TMPRSS11A: variants seen among roughly 807,000 people sequenced by gnomAD.
TMPRSS11A encodes the protein transmembrane serine protease 11A, also known as transmembrane protease serine 11A.
TMPRSS11A carries 53 observed loss-of-function variants against 58.9 expected under a neutral mutation model. That is an observed-to-expected ratio of 0.90 (90% CI 0.72 to 1.13). The LOEUF is 1.13. Ranked by LOEUF, TMPRSS11A falls within the 50% of genes most tolerant of loss-of-function variation. TMPRSS11A has a pLI of 0.00. For missense variants in TMPRSS11A, 493 were observed against 499.3 expected (o/e 0.99, Z 0.12); for synonymous variants, 167 against 169.8 (o/e 0.98, Z 0.13).
intron 1 of TMPRSS11A, among the ~76,000 whole-genome samples, chr4:67,948,147 C>CTTTTTTTTTTTT (rs10577639): frequency 6.1e-5 from 6 of 98,302 alleles, no homozygotes; most frequent in African/African-American, 2.4e-4. Context: ...CAGTTTTTTT[C>CTTTTTTTTTTTT]TTTTTTTTTT....
intron 8 of TMPRSS11A, among the ~76,000 whole-genome samples, chr4:67,917,568 T>G (rs1251293302): frequency 6.6e-6 from 1 of 152,152 alleles, no homozygotes; most frequent in Non-Finnish European, 1.5e-5. Flanking sequence ...TTAATGTACT[T>G]AACAGATTAA....
chr4:67,928,023 G>C (rs28722166), intron 5 of TMPRSS11A, among the ~76,000 whole-genome samples: 6,930 of 152,206 alleles, frequency 0.046, 164 homozygotes, highest in Middle Eastern at 0.075. Context: ...AGTGGAGTTA[G>C]AATTGGTCAG....
intron 3 of TMPRSS11A, among the ~76,000 whole-genome samples, chr4:67,943,733 T>A (rs1203897454): frequency 6.6e-6 from 1 of 152,142 alleles, no homozygotes; most frequent in African/African-American, 2.4e-5. Context: ...ATTGTAAATA[T>A]GATGCCATTA....
At chr4:67,963,285 C>T (rs2109777756) in intron 1 of TMPRSS11A, 98 bp downstream of exon 1, 1 of 1,255,314 alleles carries the variant, frequency 8.0e-7, no homozygotes, top group Admixed American at 2.0e-5. Context: ...TTGAATCCAC[C>T]AAAGACACCT....
intron 7 of TMPRSS11A, among the ~76,000 whole-genome samples, chr4:67,919,442 C>G (rs184920148): frequency 1.1e-3 from 163 of 152,218 alleles, no homozygotes; most frequent in Non-Finnish European, 2.1e-3. Flanking sequence ...ATATTTAATA[C>G]AAAACTATTG....
intron 4 of TMPRSS11A, among the ~76,000 whole-genome samples, chr4:67,931,683 C>T (rs1406405858): frequency 6.6e-6 from 1 of 152,112 alleles, no homozygotes; most frequent in Non-Finnish European, 1.5e-5. Context: ...TGGGTTTTCC[C>T]CACGTCATGG....
At position 67,946,552 on chromosome 4, in the gene TMPRSS11A, G is replaced by C; in HGVS notation, c.31C>G (p.Arg11Gly). ...ATCCATGGCTTCAGATTTCTGCTTC[G>C]GGTGCCAAATCCCACTGTCCTGAGA... The part of the protein sequence containing the change: MMYRTVGFGT[R>G]SRNLKPWMIA... The change falls in exon 2 of 10, where the codon CGA (arginine) becomes GGA (glycine). Residue 11 changes from arginine to glycine, a missense_variant. Arg to Gly is a moderately radical substitution (Grantham distance 125). Coordinates refer to ENST00000508048, the MANE Select transcript of TMPRSS11A (RefSeq NM_001114387.2). 6.2e-7 allele frequency: 1 copy of C among 1,610,980 alleles called. No individual in the cohort carries two copies. Among genetic ancestry groups the C allele is most frequent in the African/African-American group, 1.3e-5 (1 of 74,830 alleles).
At chr4:67,954,921 A>C (rs1721248334) in intron 1 of TMPRSS11A, among the ~76,000 whole-genome samples, 1 of 152,240 alleles carries the variant, frequency 6.6e-6, no homozygotes, top group Admixed American at 6.5e-5. Context: ...TATTAAATGT[A>C]ACCTACATAG....
intron 1 of TMPRSS11A, 23 bp downstream of exon 1, chr4:67,963,360 C>A (rs1264754127): frequency 6.2e-7 from 1 of 1,613,358 alleles, no homozygotes; most frequent in Non-Finnish European, 8.5e-7. Flanking sequence ...AACAAGCCAT[C>A]TATAAAACAG....
At chr4:67,927,095 G>A (rs76122286) in intron 5 of TMPRSS11A, among the ~76,000 whole-genome samples, 1,547 of 152,166 alleles carry the variant, frequency 0.01, 29 homozygotes, top group African/African-American at 0.035. Context: ...ACCTTTCTTC[G>A]TCTTGCTCAC....
At chr4:67,963,332 C>T in intron 1 of TMPRSS11A, 51 bp downstream of exon 1, 1 of 1,606,730 alleles carries the variant, frequency 6.2e-7, no homozygotes, top group Non-Finnish European at 8.5e-7. Flanking sequence ...AATCCGGCCA[C>T]TGACAGACAG....
chr4:67,960,314 A>G (rs1205049693), intron 1 of TMPRSS11A, among the ~76,000 whole-genome samples: 2 of 152,206 alleles, frequency 1.3e-5, no homozygotes, highest in Admixed American at 6.5e-5. Context: ...AAATTAAAAA[A>G]CAGTTATTCT....
At chr4:67,944,366 C>A in intron 3 of TMPRSS11A, 153 bp downstream of exon 3, 1 of 782,882 alleles carries the variant, frequency 1.3e-6, no homozygotes, top group East Asian at 2.6e-5. Flanking sequence ...TCATCATACT[C>A]TGATTAAGCA....
chr4:67,922,706 T>C, intron 7 of TMPRSS11A, 49 bp downstream of exon 7: 1 of 1,556,442 alleles, frequency 6.4e-7, no homozygotes, highest in Non-Finnish European at 8.8e-7. Context: ...ATGACAAAAC[T>C]CAGGGCTTTT....
intron 3 of TMPRSS11A, among the ~76,000 whole-genome samples, chr4:67,936,495 G>T (rs1004725119): frequency 6.6e-6 from 1 of 152,128 alleles, no homozygotes; most frequent in Non-Finnish European, 1.5e-5. Flanking sequence ...GTCTATTGGA[G>T]AAAGCAGTTG....
chr4:67,944,467 A>T, intron 3 of TMPRSS11A, 52 bp downstream of exon 3: 1 of 1,569,368 alleles, frequency 6.4e-7, no homozygotes, highest in Non-Finnish European at 8.6e-7. Context: ...TGATCCACAA[A>T]ATCCCTTCCA....
intron 1 of TMPRSS11A, among the ~76,000 whole-genome samples, chr4:67,957,579 G>A (rs530921677): frequency 7.9e-5 from 12 of 152,154 alleles, no homozygotes; most frequent in African/African-American, 2.9e-4. Context: ...CATCCAAAAG[G>A]TTACTTGGGT....
chr4:67,939,835 C>A (rs6824782), intron 3 of TMPRSS11A, among the ~76,000 whole-genome samples: 1 of 151,988 alleles, frequency 6.6e-6, no homozygotes, highest in Non-Finnish European at 1.5e-5. Flanking sequence ...ATTACAGGCA[C>A]CTGCCACCAT....
intron 1 of TMPRSS11A, among the ~76,000 whole-genome samples, chr4:67,960,050 C>T (rs1721387329): frequency 6.6e-6 from 1 of 152,094 alleles, no homozygotes; most frequent in African/African-American, 2.4e-5. Flanking sequence ...CCTAAGCAAA[C>T]TAATGCAGGA....
Sources: allele counts gnomAD v4.1 joint callset (sites outside exome capture counted in the v4.1 genomes callset), GRCh38; gene constraint gnomAD v4.1.1; transcripts MANE v1.5; gene names NCBI Gene and HGNC (gene_info 2026-07-23, HGNC 2026-07-21).